The following RANBP2 variants were observed in gnomAD, a reference collection of about 807,000 sequenced individuals.
The protein encoded by RANBP2 is E3 SUMO-protein ligase RanBP2.
RANBP2 carries 57 observed loss-of-function variants against 303.6 expected under a neutral mutation model. That is an observed-to-expected ratio of 0.19 (90% CI 0.15 to 0.23). The LOEUF is 0.23. RANBP2 is among the 10% of genes least tolerant of loss of function. The pLI is 1.00. For missense variants in RANBP2, 3,138 were observed against 3,780.8 expected (o/e 0.83, Z 4.46); for synonymous variants, 1,167 against 1,301.5 (o/e 0.90, Z 2.23).
At chr2:109,031,723 G>T in the RANBP2 span, among the ~76,000 whole-genome samples, 1 of 152,184 alleles carries the variant, frequency 6.6e-6, no homozygotes, top group Admixed American at 6.6e-5. Context: ...ACCTGGACGC[G>T]CTGCGGGCGC....
the RANBP2 span, chr2:108,910,678 T>C: frequency 6.9e-7 from 1 of 1,455,454 alleles, no homozygotes; most frequent in Admixed American, 1.7e-5. Context: ...TGGTTCAGCA[T>C]GTGAGAGCAG....
chr2:109,655,104 T>G, the RANBP2 span, among the ~76,000 whole-genome samples: 1 of 152,094 alleles, frequency 6.6e-6, no homozygotes, highest in East Asian at 1.9e-4. Context: ...GGTTTCACCA[T>G]CTTGGCCAGG....
chr2:109,540,250 T>G, the RANBP2 span, among the ~76,000 whole-genome samples: 2 of 152,166 alleles, frequency 1.3e-5, no homozygotes, highest in African/African-American at 4.8e-5. Context: ...CCGGGTGCAC[T>G]GTTTTATCTA....
chr2:108,828,705 G>A, the RANBP2 span, among the ~76,000 whole-genome samples: 3 of 152,142 alleles, frequency 2.0e-5, no homozygotes, highest in African/African-American at 4.8e-5. Context: ...TCGGCTGGGC[G>A]TGGTGGTTCA....
At chr2:109,412,987 C>T in the RANBP2 span, among the ~76,000 whole-genome samples, 1 of 152,216 alleles carries the variant, frequency 6.6e-6, no homozygotes, top group East Asian at 1.9e-4. Flanking sequence ...GTGGGGCATT[C>T]TGTGTCCTTG....
chr2:109,224,413 G>T, the RANBP2 span, among the ~76,000 whole-genome samples: 2 of 152,196 alleles, frequency 1.3e-5, no homozygotes, highest in African/African-American at 4.8e-5. Flanking sequence ...TTGTTCTGAT[G>T]TAAAAGGGAC....
chr2:108,937,239 C>T, the RANBP2 span, among the ~76,000 whole-genome samples: 1 of 152,218 alleles, frequency 6.6e-6, no homozygotes, highest in Non-Finnish European at 1.5e-5. Context: ...TTTGCAAACT[C>T]CCTGGTGAAG....
chr2:109,350,291 G>A, the RANBP2 span, among the ~76,000 whole-genome samples: 4 of 152,208 alleles, frequency 2.6e-5, no homozygotes, highest in Non-Finnish European at 4.4e-5. Context: ...GGTCAGAGGC[G>A]CCAGCCACGG....
At chr2:108,958,869 G>A in the RANBP2 span, among the ~76,000 whole-genome samples, 1 of 145,586 alleles carries the variant, frequency 6.9e-6, no homozygotes, top group Middle Eastern at 3.5e-3. Flanking sequence ...GGCTGGCTGG[G>A]AAAAGGCACC....
the RANBP2 span, among the ~76,000 whole-genome samples, chr2:109,002,081 G>A: frequency 2.0e-5 from 3 of 152,200 alleles, no homozygotes; most frequent in African/African-American, 7.2e-5. Flanking sequence ...CAAGAGTAGG[G>A]AGTTGGTGGC....
the RANBP2 span, among the ~76,000 whole-genome samples, chr2:109,189,684 T>C: frequency 2.6e-5 from 4 of 152,110 alleles, no homozygotes; most frequent in African/African-American, 9.7e-5. Flanking sequence ...TAATGTATTG[T>C]GTAATAATCA....
At chr2:109,383,836 A>G in the RANBP2 span, among the ~76,000 whole-genome samples, 1 of 152,156 alleles carries the variant, frequency 6.6e-6, no homozygotes, top group Non-Finnish European at 1.5e-5. Context: ...TCCTGTTTTC[A>G]GTGATCAGTC....
the RANBP2 span, among the ~76,000 whole-genome samples, chr2:109,009,862 C>G: frequency 6.6e-6 from 1 of 151,984 alleles, no homozygotes; most frequent in Non-Finnish European, 1.5e-5. Flanking sequence ...TTCAGTCTTT[C>G]GTCTCTGCGC....
the RANBP2 span, among the ~76,000 whole-genome samples, chr2:109,550,695 T>C: frequency 6.6e-6 from 1 of 152,184 alleles, no homozygotes; most frequent in East Asian, 1.9e-4. Flanking sequence ...CTAAACTCTG[T>C]GTGGTCCCTT....
intron 8 of RANBP2, 21 bp from the exon 9 acceptor site, chr2:108,748,899 T>A: frequency 1.2e-6 from 2 of 1,610,678 alleles, no homozygotes; most frequent in Non-Finnish European, 8.5e-7. Flanking sequence ...GTGATGGAAA[T>A]AACTTAAATT....
At chr2:109,452,772 TCCCAGGAGGCTGGTC>T in the RANBP2 span, among the ~76,000 whole-genome samples, 1 of 150,418 alleles carries the variant, frequency 6.6e-6, no homozygotes, top group African/African-American at 2.5e-5. Flanking sequence ...GGCAGGCTGG[TCCCAGGAGGCTGGTC>T]CCTGGGAGGC....
At chr2:109,063,103 T>C in the RANBP2 span, among the ~76,000 whole-genome samples, 7 of 152,290 alleles carry the variant, frequency 4.6e-5, no homozygotes, top group African/African-American at 1.7e-4. Flanking sequence ...CATGCCAACC[T>C]GAGACCCTCC....
At chr2:109,432,504 C>T in the RANBP2 span, 87 of 1,613,222 alleles carry the variant, frequency 5.4e-5, no homozygotes, top group Non-Finnish European at 7.1e-5. Flanking sequence ...CCCGCAGGTA[C>T]CTGGCGCTCT....
At chr2:109,647,050 C>T in the RANBP2 span, among the ~76,000 whole-genome samples, 1 of 151,598 alleles carries the variant, frequency 6.6e-6, no homozygotes, top group East Asian at 1.9e-4. Flanking sequence ...GCAGTTTTTC[C>T]CTTTGTCTGA....
Sources: allele counts gnomAD v4.1 joint callset (sites outside exome capture counted in the v4.1 genomes callset), GRCh38; gene constraint gnomAD v4.1.1; transcripts MANE v1.5; gene names NCBI Gene and HGNC (gene_info 2026-07-23, HGNC 2026-07-21).